The following FOXK2 variants were observed in gnomAD, a reference collection of about 807,000 sequenced individuals.
FOXK2 encodes the protein forkhead box K2, also known as forkhead box protein K2.
A neutral mutation model predicts 53.3 loss-of-function variants in FOXK2; 24 were observed. That is an observed-to-expected ratio of 0.45 (90% CI 0.33 to 0.63). The LOEUF (loss-of-function observed/expected upper bound fraction) is 0.63, where lower values mean the gene tolerates loss of function less well. Among genes scored for constraint, FOXK2 ranks in the 30% least tolerant of loss-of-function variants. The pLI, the probability that FOXK2 is intolerant of heterozygous loss-of-function variation, is 0.03. For synonymous variants in FOXK2, 505 were observed against 407.1 expected (o/e 1.24, Z -2.89); for missense variants, 952 against 910.5 (o/e 1.05, Z -0.59).
At chr17:82,586,401 C>CG (rs1555642379) in intron 7 of FOXK2, among the ~76,000 whole-genome samples, 13 of 41,176 alleles carry the variant, frequency 3.2e-4, no homozygotes, top group East Asian at 1.9e-3. Context: ...GAAAGGTGGG[C>CG]GGGGGGGAAA....
At chr17:82,582,673 A>C in intron 4 of FOXK2, 68 bp from the exon 5 acceptor site, 1 of 1,359,866 alleles carries the variant, frequency 7.4e-7, no homozygotes. Context: ...GGGCACTAAA[A>C]CGAGGACACA....
chr17:82,524,368 A>G (rs925694828), intron 1 of FOXK2, among the ~76,000 whole-genome samples: 31 of 152,342 alleles, frequency 2.0e-4, no homozygotes, highest in African/African-American at 7.2e-4. Flanking sequence ...AAATTATCAG[A>G]AAATTTGCAA....
chr17:82,536,613 G>T (rs1318442000), intron 1 of FOXK2, among the ~76,000 whole-genome samples: 2 of 152,204 alleles, frequency 1.3e-5, no homozygotes, highest in African/African-American at 4.8e-5. Context: ...CTGGCTCTGT[G>T]CCTGAGCCCT....
At position 82,587,606 on chromosome 17, in the gene FOXK2, G is replaced by A. The variant is rs560717038; in HGVS notation, c.1786+334G>A. On this transcript the variant is annotated intron_variant, in intron 8 of 8. Transcript: ENST00000335255. ...CGCGTGTCTTTTCCCTTGGCCTCGC[G>A]CGCCCTGTGGCCTGTGGCGGTGCTA... The A allele has an allele frequency of 5.2e-4, 202 of 387,146 alleles. 1 individual carries two copies. Among genetic ancestry groups the A allele is most frequent in the South Asian group, 3.8e-3 (170 of 44,782 alleles). 24.0% of individuals were successfully genotyped at this position (387,146 alleles called of 1,614,324 possible). A position where few individuals can be genotyped will look rare whatever the true frequency, so the allele number is the denominator to read the frequency against.
chr17:82,572,368 A>T (rs958763534), intron 4 of FOXK2, among the ~76,000 whole-genome samples: 2 of 152,182 alleles, frequency 1.3e-5, no homozygotes, highest in South Asian at 4.1e-4. Flanking sequence ...TAAAAAACAG[A>T]TGAACGTGGT....
chr17:82,565,090 A>T lies in FOXK2; in HGVS notation c.614+1542A>T, dbSNP rs143088293. 3.1e-3 allele frequency among the ~76,000 whole-genome samples: 475 copies of T among 152,238 alleles called. 2 individuals are homozygous for T. Among genetic ancestry groups the T allele is most frequent in the African/African-American group, 0.011 (451 of 41,540 alleles). Reference sequence around the variant, plus strand: ...CCACACCATTCATTCAGACTTCCCAACAAGTGGTACCAGGTAAACGGTATG... The same window carrying T: ...CCACACCATTCATTCAGACTTCCCATCAAGTGGTACCAGGTAAACGGTATG... On this transcript the variant is annotated intron_variant, in intron 2 of 8. Coordinates refer to ENST00000335255, the MANE Select transcript of FOXK2 (RefSeq NM_004514.4).
intron 1 of FOXK2, among the ~76,000 whole-genome samples, chr17:82,529,852 T>C (rs1372624641): frequency 1.3e-5 from 2 of 152,218 alleles, no homozygotes; most frequent in African/African-American, 4.8e-5. Flanking sequence ...AGTAGTAGCC[T>C]AACATTGTTA....
At chr17:82,593,818 A>G (rs953121521) in intron 8 of FOXK2, 4 of 152,172 alleles carry the variant, frequency 2.6e-5, no homozygotes, top group African/African-American at 4.8e-5. Context: ...GAGCATGTAA[A>G]ACGGCAGTGA....
chr17:82,576,737 C>T (rs535042124), intron 4 of FOXK2: 11 of 796,788 alleles, frequency 1.4e-5, no homozygotes, highest in African/African-American at 1.0e-4. Flanking sequence ...AAACCGTGAA[C>T]GTAGCAGCAT....
At chr17:82,527,985 G>A (rs369153903) in intron 1 of FOXK2, among the ~76,000 whole-genome samples, 3 of 151,844 alleles carry the variant, frequency 2.0e-5, no homozygotes, top group East Asian at 1.9e-4. Context: ...TTTTTTGGAC[G>A]TGGGGTCTCG....
chr17:82,558,832 C>T (rs754611931), intron 1 of FOXK2, among the ~76,000 whole-genome samples: 38 of 152,136 alleles, frequency 2.5e-4, no homozygotes, highest in African/African-American at 7.7e-4. Flanking sequence ...CTGCAAGCTC[C>T]GCCTCCTGGG....
At chr17:82,525,299 C>T (rs2044406249) in intron 1 of FOXK2, among the ~76,000 whole-genome samples, 1 of 152,138 alleles carries the variant, frequency 6.6e-6, no homozygotes, top group African/African-American at 2.4e-5. Context: ...GTCTCAGCCT[C>T]CCAAGTAGCT....
At chr17:82,539,837 G>A (rs1042914535) in intron 1 of FOXK2, among the ~76,000 whole-genome samples, 3 of 151,046 alleles carry the variant, frequency 2.0e-5, no homozygotes, top group African/African-American at 7.3e-5. Context: ...ATGGTGGCAG[G>A]CACCTGTAAT....
intron 8 of FOXK2, among the ~76,000 whole-genome samples, chr17:82,591,029 C>G (rs746376555): frequency 2.0e-5 from 3 of 152,194 alleles, no homozygotes; most frequent in Non-Finnish European, 4.4e-5. Context: ...GGGCTCAGGG[C>G]TTGGCCCCTG....
At chr17:82,554,067 T>C (rs2044701261) in intron 1 of FOXK2, among the ~76,000 whole-genome samples, 1 of 152,020 alleles carries the variant, frequency 6.6e-6, no homozygotes, top group South Asian at 2.1e-4. Flanking sequence ...CTCCTGAGCT[T>C]GTGATCCGCC....
At chr17:82,585,713 G>A (rs984225923) in intron 6 of FOXK2, among the ~76,000 whole-genome samples, 191 bp from the exon 7 acceptor site, 3 of 152,160 alleles carry the variant, frequency 2.0e-5, no homozygotes, top group Non-Finnish European at 4.4e-5. Flanking sequence ...GTTAGAGATA[G>A]GAATTAAATA....
At chr17:82,559,447 C>T (rs761802480) in intron 1 of FOXK2, 50 of 456,194 alleles carry the variant, frequency 1.1e-4, no homozygotes, top group Non-Finnish European at 1.8e-4. Flanking sequence ...CTGGTTCTGC[C>T]GTGAGAACCC....
intron 1 of FOXK2, among the ~76,000 whole-genome samples, chr17:82,537,594 G>GGCAAT (rs2044532501): frequency 7.0e-6 from 1 of 142,602 alleles, no homozygotes; most frequent in African/African-American, 2.7e-5. Context: ...ACTCCGGCCT[G>GGCAAT]GGCGACAAGA....
chr17:82,539,960 C>G (rs970385066), intron 1 of FOXK2, among the ~76,000 whole-genome samples: 1 of 143,356 alleles, frequency 7.0e-6, no homozygotes, highest in African/African-American at 2.6e-5. Flanking sequence ...AGCGAGACTC[C>G]ATCTCAAAAA....
Sources: allele counts gnomAD v4.1 joint callset (sites outside exome capture counted in the v4.1 genomes callset), GRCh38; gene constraint gnomAD v4.1.1; transcripts MANE v1.5; gene names NCBI Gene and HGNC (gene_info 2026-07-23, HGNC 2026-07-21).